The following CNTN4 variants were observed in gnomAD, a reference collection of about 807,000 sequenced individuals.
The protein encoded by CNTN4 is contactin 4.
CNTN4 carries 77 observed loss-of-function variants against 122.5 expected under a neutral mutation model. The ratio of observed to expected loss-of-function variants is 0.63; its 90% CI spans 0.52 to 0.76. The LOEUF (loss-of-function observed/expected upper bound fraction) is 0.76, where lower values mean the gene tolerates loss of function less well. CNTN4 is among the 30% of genes least tolerant of loss of function. CNTN4 has a pLI of 0.00. For synonymous variants in CNTN4, 512 were observed against 447.0 expected (o/e 1.15, Z -1.83); for missense variants, 1,256 against 1,259.1 (o/e 1.00, Z 0.04).
chr3:3,003,996 G>C (rs1327364664), intron 14 of CNTN4, among the ~76,000 whole-genome samples: 2 of 152,152 alleles, frequency 1.3e-5, no homozygotes, highest in Non-Finnish European at 2.9e-5. Flanking sequence ...CTGGGCTCAA[G>C]TGATTCTCCC....
At chr3:2,934,715 A>T (rs2151452723) in intron 13 of CNTN4, among the ~76,000 whole-genome samples, 1 of 152,312 alleles carries the variant, frequency 6.6e-6, no homozygotes, top group Middle Eastern at 3.4e-3. Flanking sequence ...TGTTATTAGG[A>T]ATTCTGCCCT....
chr3:2,770,264 G>A (rs2091034930), intron 6 of CNTN4, among the ~76,000 whole-genome samples: 1 of 152,056 alleles, frequency 6.6e-6, no homozygotes, highest in Admixed American at 6.6e-5. Context: ...TCCTGACCTC[G>A]TGATCCGCCT....
chr3:2,285,451 C>T (rs9841294), intron 2 of CNTN4, among the ~76,000 whole-genome samples: 78,787 of 151,848 alleles, frequency 0.52, 20,793 homozygotes, highest in South Asian at 0.64. Flanking sequence ...TGCATTGGAG[C>T]ATTGGGATAC....
intron 13 of CNTN4, among the ~76,000 whole-genome samples, chr3:2,933,469 G>A (rs2094542413): frequency 6.6e-6 from 1 of 152,180 alleles, no homozygotes; most frequent in South Asian, 2.1e-4. Context: ...CTGTGATACA[G>A]GGTTGTGAAA....
At chr3:2,855,720 G>A (rs757018920) in intron 7 of CNTN4, among the ~76,000 whole-genome samples, 2 of 152,282 alleles carry the variant, frequency 1.3e-5, no homozygotes, top group South Asian at 2.1e-4. Flanking sequence ...GTCATTTAGC[G>A]TAAGTCACAT....
At chr3:2,979,796 A>G (rs747933449) in intron 13 of CNTN4, among the ~76,000 whole-genome samples, 7 of 152,140 alleles carry the variant, frequency 4.6e-5, no homozygotes, top group Non-Finnish European at 1.0e-4. Context: ...GTGGTTTTCT[A>G]AGTTGTATTC....
intron 10 of CNTN4, among the ~76,000 whole-genome samples, chr3:2,898,016 C>G (rs1466688946): frequency 6.6e-6 from 1 of 151,952 alleles, no homozygotes; most frequent in East Asian, 1.9e-4. Context: ...CTAGGTAACC[C>G]CCCCCAAATA....
chr3:2,901,863 A>T (rs558559663), intron 11 of CNTN4, among the ~76,000 whole-genome samples: 1 of 152,224 alleles, frequency 6.6e-6, no homozygotes, highest in South Asian at 2.1e-4. Flanking sequence ...ATGACAGATG[A>T]AGGGTCTGGT....
At chr3:2,684,406 G>T (rs1184752542) in intron 4 of CNTN4, among the ~76,000 whole-genome samples, 1 of 152,124 alleles carries the variant, frequency 6.6e-6, no homozygotes, top group South Asian at 2.1e-4. Flanking sequence ...AAAAAAAGGA[G>T]AAATTATACA....
chr3:2,737,501 T>G (rs73807912), intron 5 of CNTN4, among the ~76,000 whole-genome samples: 198 of 152,354 alleles, frequency 1.3e-3, no homozygotes, highest in African/African-American at 4.7e-3. Context: ...ATATCCTGAT[T>G]GACTTTCTCT....
rs145325306 is a variant in CNTN4, at chr3:2,266,272, A to T, written c.-144-72906A>T. ...CATTTTGTTGACAGTTTTCATCATG[A>T]GGGCTGTTGAATTTTATTTCATGCA... is the stretch of plus-strand genomic sequence containing the variant. On this transcript the variant is annotated intron_variant, in intron 2 of 24. Coordinates refer to ENST00000418658, the MANE Select transcript of CNTN4 (RefSeq NM_175607.3). 2.0e-4 allele frequency among the ~76,000 whole-genome samples: 31 copies of T among 152,134 alleles called. No homozygotes were observed. The East Asian group carries it at 5.8e-3, about 29-fold the overall frequency.
At chr3:2,214,866 A>G (rs1575097892) in intron 2 of CNTN4, among the ~76,000 whole-genome samples, 1 of 152,332 alleles carries the variant, frequency 6.6e-6, no homozygotes, top group South Asian at 2.1e-4. Flanking sequence ...AGAATATTGG[A>G]GGTCACTCAA....
At chr3:2,722,011 A>G (rs1296359539) in intron 4 of CNTN4, among the ~76,000 whole-genome samples, 1 of 152,188 alleles carries the variant, frequency 6.6e-6, no homozygotes, top group East Asian at 1.9e-4. Flanking sequence ...TTCACCAGAC[A>G]CCAAATCTGC....
intron 2 of CNTN4, among the ~76,000 whole-genome samples, chr3:2,136,791 A>G (rs1371469337): frequency 6.6e-6 from 1 of 152,128 alleles, no homozygotes; most frequent in Non-Finnish European, 1.5e-5. Context: ...AAAAGAATTG[A>G]TTCCGTTTAC....
chr3:2,540,116 GCTAA>G (rs1227021726), intron 3 of CNTN4, among the ~76,000 whole-genome samples: 2 of 151,478 alleles, frequency 1.3e-5, no homozygotes, highest in African/African-American at 2.4e-5. Context: ...TATTTTTTCA[GCTAA>G]CTAATAGGTG....
At chr3:2,186,534 T>G (rs2037276065) in intron 2 of CNTN4, among the ~76,000 whole-genome samples, 2 of 152,234 alleles carry the variant, frequency 1.3e-5, no homozygotes, top group Admixed American at 1.3e-4. Context: ...TGAACTAGTT[T>G]ACAGTCCCAC....
intron 4 of CNTN4, among the ~76,000 whole-genome samples, chr3:2,616,241 C>A (rs528384151): frequency 1.3e-5 from 2 of 151,582 alleles, no homozygotes; most frequent in South Asian, 4.2e-4. Context: ...TGAGAACATG[C>A]GGTATTTGGT....
intron 2 of CNTN4, among the ~76,000 whole-genome samples, chr3:2,163,511 T>C (rs1274827708): frequency 6.6e-6 from 1 of 151,960 alleles, no homozygotes; most frequent in African/African-American, 2.4e-5. Context: ...TGAGACCTAA[T>C]TAAACTAAAA....
intron 3 of CNTN4, among the ~76,000 whole-genome samples, chr3:2,535,209 A>T (rs2077754565): frequency 6.6e-6 from 1 of 152,124 alleles, no homozygotes; most frequent in South Asian, 2.1e-4. Context: ...GAGCAAGTTT[A>T]TTGGTAGTCT....
Sources: allele counts gnomAD v4.1 joint callset (sites outside exome capture counted in the v4.1 genomes callset), GRCh38; gene constraint gnomAD v4.1.1; transcripts MANE v1.5; gene names NCBI Gene and HGNC (gene_info 2026-07-23, HGNC 2026-07-21).